Variants in TEAD4 observed in about 807,000 individuals in gnomAD.
The protein encoded by TEAD4 is TEA domain transcription factor 4, also known as transcriptional enhancer factor TEF-3.
TEAD4 carries 36 observed loss-of-function variants against 52.4 expected under a neutral mutation model. That is an observed-to-expected ratio of 0.69 (90% CI 0.53 to 0.91). The LOEUF (loss-of-function observed/expected upper bound fraction) is 0.91, where lower values mean the gene tolerates loss of function less well. Among genes scored for constraint, TEAD4 ranks in the 40% least tolerant of loss-of-function variants. TEAD4 has a pLI of 0.00. For missense variants in TEAD4, 508 were observed against 583.9 expected (o/e 0.87, Z 1.34); for synonymous variants, 220 against 231.0 (o/e 0.95, Z 0.43).
intron 10 of TEAD4, among the ~76,000 whole-genome samples, chr12:3,033,470 G>A (rs1252713057): frequency 4.6e-5 from 7 of 152,180 alleles, no homozygotes; most frequent in Admixed American, 3.9e-4. Flanking sequence ...GGCCATTAAC[G>A]CCGCTCTGCA....
intron 2 of TEAD4, among the ~76,000 whole-genome samples, chr12:2,974,469 A>G (rs775768317): frequency 6.6e-6 from 1 of 152,078 alleles, no homozygotes; most frequent in East Asian, 1.9e-4. Flanking sequence ...GCCTGCTCCT[A>G]TGTCCTCAGA....
chr12:2,960,996 C>T (rs984363484), intron 2 of TEAD4, among the ~76,000 whole-genome samples: 1 of 151,244 alleles, frequency 6.6e-6, no homozygotes, highest in South Asian at 2.1e-4. Flanking sequence ...TTTCTCAGGG[C>T]GAGGGTCTTG....
rs115113124 is a variant in TEAD4 at position 3,014,465 on chromosome 12, G to A, written c.354+2233G>A. 1.8e-3 allele frequency among the ~76,000 whole-genome samples: 279 copies of A among 152,318 alleles called. 1 individual carries two copies. The highest frequency in any genetic ancestry group is 6.8e-3 in the Middle Eastern group (2 of 294). The stretch of plus-strand genomic sequence containing the variant: ...TTTCATGTATATGTGAGTTGCCTTG[G>A]AGAGATTGCTGTGAGGATTTTGTCA... On this transcript the variant is annotated intron_variant, in intron 5 of 12. Transcript: ENST00000359864.
chr12:2,963,643 C>T (rs575100250), intron 2 of TEAD4, among the ~76,000 whole-genome samples: 15 of 152,336 alleles, frequency 9.8e-5, no homozygotes, highest in East Asian at 3.9e-4. Flanking sequence ...TCTGAGATGA[C>T]GGTTCTTCCC....
In TEAD4 at chr12:2,970,405, G is replaced by T. The variant is rs538975604; in HGVS notation, c.-30+10365G>T. 2.0e-5 allele frequency among the ~76,000 whole-genome samples: 3 copies of T among 152,320 alleles called. No homozygotes were observed. The South Asian group carries it at 6.2e-4, about 32-fold the overall frequency. ...AGGTTAATAGAACCAACCTCATACGGTGTATGTGAAGACTAAATGAGTTAA... is the reference window on the plus strand; with the variant it reads ...AGGTTAATAGAACCAACCTCATACGTTGTATGTGAAGACTAAATGAGTTAA... On this transcript the variant is annotated intron_variant, in intron 2 of 12. Coordinates refer to ENST00000359864, the MANE Select transcript of TEAD4 (RefSeq NM_003213.4).
intron 9 of TEAD4, among the ~76,000 whole-genome samples, chr12:3,021,600 C>T (rs896094307): frequency 2.6e-5 from 4 of 152,290 alleles, no homozygotes; most frequent in African/African-American, 4.8e-5. Context: ...TGTGAGCCGC[C>T]GCACCCGGCT....
chr12:3,023,993 A>G (rs1216934802), intron 10 of TEAD4, among the ~76,000 whole-genome samples: 1 of 152,064 alleles, frequency 6.6e-6, no homozygotes, highest in Non-Finnish European at 1.5e-5. Flanking sequence ...TGGTAGAAAA[A>G]ATTAGCTGTG....
chr12:2,980,020 CT>C (rs949286151), intron 2 of TEAD4, among the ~76,000 whole-genome samples: 2 of 152,142 alleles, frequency 1.3e-5, no homozygotes, highest in African/African-American at 4.8e-5. Flanking sequence ...CCTGTGCTCA[CT>C]GAGAGGCATC....
At chr12:2,997,710 G>A (rs2098248324) in intron 3 of TEAD4, among the ~76,000 whole-genome samples, 1 of 151,666 alleles carries the variant, frequency 6.6e-6, no homozygotes, top group Non-Finnish European at 1.5e-5. Flanking sequence ...GGGTGTCTGG[G>A]AGGGCCCCGT....
intron 10 of TEAD4, among the ~76,000 whole-genome samples, chr12:3,026,235 A>G (rs1369906521): frequency 6.6e-6 from 1 of 151,958 alleles, no homozygotes; most frequent in Non-Finnish European, 1.5e-5. Context: ...TACGATTTTT[A>G]CCATTTATTT....
At chr12:2,995,325 C>T (rs1191330286) in intron 3 of TEAD4, among the ~76,000 whole-genome samples, 1 of 152,162 alleles carries the variant, frequency 6.6e-6, no homozygotes, top group Non-Finnish European at 1.5e-5. Flanking sequence ...AGCAGGCTGC[C>T]CACCTTGGCT....
intron 5 of TEAD4, 86 bp from the exon 6 acceptor site, chr12:3,017,312 G>A: frequency 6.3e-7 from 1 of 1,579,310 alleles, no homozygotes; most frequent in Non-Finnish European, 8.6e-7. Flanking sequence ...CAGCGAGACA[G>A]CTTCCCTGAC....
chr12:2,969,705 G>A (rs1431774022), intron 2 of TEAD4, among the ~76,000 whole-genome samples: 3 of 152,252 alleles, frequency 2.0e-5, no homozygotes, highest in East Asian at 1.9e-4. Context: ...CAGTGTCTGA[G>A]CAGTCAGAGG....
chr12:3,014,750 C>G (rs535887633), intron 5 of TEAD4, among the ~76,000 whole-genome samples: 31 of 152,306 alleles, frequency 2.0e-4, no homozygotes, highest in African/African-American at 7.5e-4. Flanking sequence ...GCTGTCACTC[C>G]CCATCGGGTC....
chr12:2,979,135 C>T (rs573176654), intron 2 of TEAD4, among the ~76,000 whole-genome samples: 14 of 152,246 alleles, frequency 9.2e-5, no homozygotes, highest in African/African-American at 3.4e-4. Context: ...AGGCTGGTCT[C>T]GAGCTCCCGA....
At chr12:3,028,691 C>T (rs1027068340) in intron 10 of TEAD4, among the ~76,000 whole-genome samples, 2 of 151,938 alleles carry the variant, frequency 1.3e-5, no homozygotes, top group African/African-American at 4.8e-5. Context: ...AGTACAGCGG[C>T]GTAATTTTGG....
chr12:3,005,735 G>A (rs2098255429), intron 3 of TEAD4, among the ~76,000 whole-genome samples: 2 of 152,108 alleles, frequency 1.3e-5, no homozygotes, highest in African/African-American at 2.4e-5. Flanking sequence ...TCCTGACCTC[G>A]TGATCCGCCT....
At chr12:3,017,577 T>A in intron 6 of TEAD4, 51 bp downstream of exon 6, 1 of 1,560,716 alleles carries the variant, frequency 6.4e-7, no homozygotes, top group Non-Finnish European at 8.7e-7. Flanking sequence ...TCCTCCTCCC[T>A]CCTCCCTGTT....
Position 3,018,529 on chromosome 12 carries a change from C to G in TEAD4, c.484-16C>G. On this transcript the variant is annotated splice_polypyrimidine_tract_variant and intron_variant, in intron 6 of 12. Transcript: ENST00000359864. Reference sequence around the variant, plus strand: ...CACCTGGGGCCGTGCTGATTCCATGCCTTTTGCCTCCTCAGTTTTGGCAAG... The same window carrying G: ...CACCTGGGGCCGTGCTGATTCCATGGCTTTTGCCTCCTCAGTTTTGGCAAG... 2 of 1,614,098 alleles carry G rather than the reference C, an allele frequency of 1.2e-6. No homozygotes were observed. Among genetic ancestry groups the G allele is most frequent in the Non-Finnish European group, 8.5e-7 (1 of 1,179,980 alleles).
Sources: gnomAD v4.1 joint callset for allele counts (sites outside exome capture counted in the v4.1 genomes callset) on GRCh38, gnomAD v4.1.1 for gene constraint, MANE v1.5 for transcripts, NCBI Gene and HGNC (gene_info 2026-07-23, HGNC 2026-07-21) for gene names.